CDKN1A: variants seen among roughly 807,000 people sequenced by gnomAD.
The protein encoded by CDKN1A is cyclin dependent kinase inhibitor 1A.
In CDKN1A, 14 loss-of-function variants were observed where a neutral mutation model predicts 14.8. The ratio of observed to expected loss-of-function variants is 0.94; its 90% confidence interval spans 0.62 to 1.48. CDKN1A has a LOEUF of 1.48. Among genes scored for constraint, CDKN1A ranks in the 40% most tolerant of loss-of-function variants. The pLI is 0.00. For missense variants in CDKN1A, 203 were observed against 231.7 expected (o/e 0.88, Z 0.80); for synonymous variants, 92 against 93.5 (o/e 0.98, Z 0.09).
chr6:36,679,695 G>C (rs1234390789), intron 1 of CDKN1A, among the ~76,000 whole-genome samples: 1 of 152,182 alleles, frequency 6.6e-6, no homozygotes, highest in African/African-American at 2.4e-5. Flanking sequence ...CTCTGGGCGG[G>C]CTCTAACCAG....
At chr6:36,683,337 C>T (rs914911670) in intron 1 of CDKN1A, among the ~76,000 whole-genome samples, 27 of 152,196 alleles carry the variant, frequency 1.8e-4, no homozygotes, top group African/African-American at 6.0e-4. Context: ...CTCCAGAGCC[C>T]TCCTGCTTAA....
intron 1 of CDKN1A, among the ~76,000 whole-genome samples, chr6:36,682,448 C>G (rs1334317104): frequency 6.6e-6 from 1 of 152,312 alleles, no homozygotes; most frequent in African/African-American, 2.4e-5. Context: ...AGGGGCAAGT[C>G]TCATATCTCT....
At chr6:36,681,333 T>TA (rs1761962272) in intron 1 of CDKN1A, among the ~76,000 whole-genome samples, 5 of 61,764 alleles carry the variant, frequency 8.1e-5, no homozygotes, top group African/African-American at 3.3e-4. Flanking sequence ...TCTTTCTTTC[T>TA]TTTTCTTTCT....
At chr6:36,678,622 G>C, upstream of CDKN1A, 1 of 980,922 alleles carries the variant, frequency 1.0e-6, no homozygotes, top group Non-Finnish European at 1.2e-6. This position sits in a 1 kb window ranked among gnomAD's most constrained non-coding sequence, Gnocchi z 5.7. Flanking sequence ...GCGGTCCCGG[G>C]CGGCGCGGTG....
chr6:36,686,281 G>A lies in CDKN1A; in HGVS notation c.*481G>A, dbSNP rs532581570. The stretch of plus-strand genomic sequence containing the variant: ...AGTAAACAGATGGCACTTTGAAGGG[G>A]CCTCACCGAGTGGGGGCATCATCAA... On this transcript the variant is annotated 3_prime_UTR_variant, in exon 3 of 3. Coordinates refer to ENST00000244741, the MANE Select transcript of CDKN1A (RefSeq NM_000389.5). The surrounding 1 kb of genome is among the most constrained non-coding windows in gnomAD (Gnocchi z 4.9). The A allele has an allele frequency of 3.3e-5, 10 of 303,098 alleles. No individual in the cohort carries two copies. The highest frequency in any genetic ancestry group is 1.0e-3 in the Middle Eastern group (1 of 996). The allele number at this position is 303,098 out of a possible 1,614,324, so 18.8% of individuals were successfully genotyped here. A position where few individuals can be genotyped will look rare whatever the true frequency, so the allele number is the denominator to read the frequency against.
In CDKN1A at chr6:36,686,464, C is replaced by G. The variant is rs370572240; in HGVS notation, c.*664C>G. On this transcript the variant is annotated 3_prime_UTR_variant, in exon 3 of 3. Coordinates refer to ENST00000244741, the MANE Select transcript of CDKN1A (RefSeq NM_000389.5). The surrounding 1 kb of genome is among the most constrained non-coding windows in gnomAD (Gnocchi z 4.9). The stretch of plus-strand genomic sequence containing the variant: ...GAAGGTGGGGTCCTGGAGCAGACCA[C>G]CCCGCCTGCCCTCATGGCCCCTCTG... 2 of 238,068 alleles carry G rather than the reference C, an allele frequency of 8.4e-6. No homozygotes were observed. Among genetic ancestry groups the G allele is most frequent in the East Asian group, 6.0e-5 (1 of 16,676 alleles). The allele number at this position is 238,068 out of a possible 1,614,324, so 14.7% of individuals were successfully genotyped here. A position where few individuals can be genotyped will look rare whatever the true frequency, so the allele number is the denominator to read the frequency against.
intron 1 of CDKN1A, among the ~76,000 whole-genome samples, chr6:36,679,846 G>C (rs1207305235): frequency 6.6e-6 from 1 of 151,954 alleles, no homozygotes; most frequent in Admixed American, 6.5e-5. Flanking sequence ...GAGGCGGGGA[G>C]GGTTCATGTC....
intron 1 of CDKN1A, chr6:36,680,765 G>T (rs1263571819): frequency 1.3e-5 from 2 of 152,212 alleles, no homozygotes; most frequent in Non-Finnish European, 2.9e-5. Context: ...AGGTTCAACA[G>T]TATTCACTGA....
At position 36,684,106 on chromosome 6, in the gene CDKN1A, C is replaced by A; in HGVS notation, c.5C>A (p.Ser2Ter). 1.2e-6 allele frequency: 2 copies of A among 1,613,388 alleles called. No homozygotes were observed. The highest frequency in any genetic ancestry group is 2.2e-5 in the South Asian group (2 of 91,030). Residue 2 changes from serine (S) to a stop codon, truncating the protein, a stop_gained, in exon 2 of 3, where the codon TCA becomes TAA. Transcript: ENST00000244741. LOFTEE classifies it high-confidence loss of function. This position sits in a 1 kb window ranked among gnomAD's most constrained non-coding sequence, Gnocchi z 6.0. ...TGTATCTCTGCTGCAGGCGCCATGT[C>A]AGAACCGGCTGGGGATGTCCGTCAG... M[S>*]EPAGDVRQNP...
chr6:36,677,484 TG>T (rs1761733097), upstream of CDKN1A: 1 of 196,972 alleles, frequency 5.1e-6, no homozygotes, highest in African/African-American at 2.4e-5. Context: ...AAAGCAAAAC[TG>T]CAAATGTTTC....
In CDKN1A at chr6:36,684,092, T is replaced by C; in HGVS notation, c.-5-5T>C. 6.2e-7 allele frequency: 1 copy of C among 1,613,176 alleles called. No homozygotes were observed. Among genetic ancestry groups the C allele is most frequent in the Non-Finnish European group, 8.5e-7 (1 of 1,179,944 alleles). ...ACCAGGGCCTTCCTTGTATCTCTGC[T>C]GCAGGCGCCATGTCAGAACCGGCTG... On this transcript the variant is annotated splice_region_variant and splice_polypyrimidine_tract_variant and intron_variant, in intron 1 of 2. Transcript: ENST00000244741. The surrounding 1 kb of genome is among the most constrained non-coding windows in gnomAD (Gnocchi z 6.0).
rs768943463 is a variant in CDKN1A at position 36,684,076 on chromosome 6, T to A, written c.-5-21T>A. The A allele has an allele frequency of 6.2e-7, 1 of 1,611,580 alleles. No homozygotes were observed. Among genetic ancestry groups the A allele is most frequent in the African/African-American group, 1.3e-5 (1 of 74,896 alleles). On this transcript the variant is annotated intron_variant, in intron 1 of 2. Transcript: ENST00000244741. The surrounding 1 kb of genome is among the most constrained non-coding windows in gnomAD (Gnocchi z 6.0). The stretch of plus-strand genomic sequence containing the variant: ...TCTAATCTCCGCCGTGACCAGGGCC[T>A]TCCTTGTATCTCTGCTGCAGGCGCC...
intron 1 of CDKN1A, among the ~76,000 whole-genome samples, chr6:36,683,154 G>A (rs1562039714): frequency 1.3e-5 from 2 of 152,328 alleles, no homozygotes; most frequent in South Asian, 2.1e-4. Flanking sequence ...TTCTCTATAC[G>A]AAGTGCTGCT....
In CDKN1A at chr6:36,686,903, C is replaced by T. The variant is rs1308574600; in HGVS notation, c.*1103C>T. The T allele has an allele frequency of 5.6e-5, 13 of 233,756 alleles. No individual in the cohort carries two copies. Among genetic ancestry groups the T allele is most frequent in the East Asian group, 6.0e-5 (1 of 16,588 alleles). 14.5% of individuals were successfully genotyped at this position (233,756 alleles called of 1,614,324 possible). The stretch of plus-strand genomic sequence containing the variant: ...GGAGGGAGACACTGGCCCCTCAAAT[C>T]GTCCAGCGACCTTCCTCATCCACCC... On this transcript the variant is annotated 3_prime_UTR_variant, in exon 3 of 3. Transcript: ENST00000244741. The surrounding 1 kb of genome is among the most constrained non-coding windows in gnomAD (Gnocchi z 4.9).
intron 1 of CDKN1A, among the ~76,000 whole-genome samples, chr6:36,681,335 T>TCTTTCTTTCCTTCC (rs1394507405): frequency 3.9e-5 from 1 of 25,676 alleles, no homozygotes; most frequent in African/African-American, 1.4e-4. Context: ...TTTCTTTCTT[T>TCTTTCTTTCCTTCC]TTCTTTCTTT....
chr6:36,684,668 A>G lies in CDKN1A; in HGVS notation c.445+122A>G. ...CAGGTAGAAGGAAACAGGCCCAGAG[A>G]GGGGAAGCAACCTCCCTGAGGTCAC... On this transcript the variant is annotated intron_variant, in intron 2 of 2. Coordinates refer to ENST00000244741, the MANE Select transcript of CDKN1A (RefSeq NM_000389.5). This position sits in a 1 kb window ranked among gnomAD's most constrained non-coding sequence, Gnocchi z 6.0. 1 of 964,066 alleles carries G rather than the reference A, an allele frequency of 1.0e-6. No individual in the cohort carries two copies. Among genetic ancestry groups the G allele is most frequent in the Non-Finnish European group, 1.6e-6 (1 of 621,806 alleles). 59.7% of individuals were successfully genotyped at this position (964,066 alleles called of 1,614,324 possible). A position where few individuals can be genotyped will look rare whatever the true frequency, so the allele number is the denominator to read the frequency against.
Position 36,685,855 on chromosome 6 carries a change from C to G in CDKN1A, c.*55C>G, listed in dbSNP as rs998171288. On this transcript the variant is annotated 3_prime_UTR_variant, in exon 3 of 3. Coordinates refer to ENST00000244741, the MANE Select transcript of CDKN1A (RefSeq NM_000389.5). ...AGCGCGAGGGCCTCAAAGGCCCGCT[C>G]TACATCTTCTGCCTTAGTCTCAGTT... 1.4e-6 allele frequency: 2 copies of G among 1,445,694 alleles called. No individual in the cohort carries two copies. Among genetic ancestry groups the G allele is most frequent in the African/African-American group, 1.4e-5 (1 of 71,442 alleles). The allele number at this position is 1,445,694 out of a possible 1,614,324, so 89.6% of individuals were successfully genotyped here.
At position 36,686,769 on chromosome 6, in the gene CDKN1A, C is replaced by T. The variant is rs557652835; in HGVS notation, c.*969C>T. 8 of 234,082 alleles carry T rather than the reference C, an allele frequency of 3.4e-5. No individual in the cohort carries two copies. Among genetic ancestry groups the T allele is most frequent in the East Asian group, 3.0e-4 (5 of 16,610 alleles). 14.5% of individuals were successfully genotyped at this position (234,082 alleles called of 1,614,324 possible). A position where few individuals can be genotyped will look rare whatever the true frequency, so the allele number is the denominator to read the frequency against. On this transcript the variant is annotated 3_prime_UTR_variant, in exon 3 of 3. Transcript: ENST00000244741. This position sits in a 1 kb window ranked among gnomAD's most constrained non-coding sequence, Gnocchi z 4.9. Reference sequence around the variant, plus strand: ...TACCTCAGGCAGCTCAAGCAGCGACCGCCCCCTCCTCTAGCTGTGGGGGTG... The same window carrying T: ...TACCTCAGGCAGCTCAAGCAGCGACTGCCCCCTCCTCTAGCTGTGGGGGTG...
upstream of CDKN1A, chr6:36,677,721 C>T: frequency 2.1e-6 from 1 of 467,588 alleles, no homozygotes; most frequent in Non-Finnish European, 4.0e-6. Context: ...AGCAGAGAGC[C>T]CCGGGCAGGA....
Sources: gnomAD v4.1 joint callset for allele counts (sites outside exome capture counted in the v4.1 genomes callset) on GRCh38, gnomAD v4.1.1 for gene constraint, Gnocchi (gnomAD v3.1) non-coding constraint, MANE v1.5 for transcripts, NCBI Gene and HGNC (gene_info 2026-07-23, HGNC 2026-07-21) for gene names.